Variants in COL6A5 observed in about 807,000 individuals in gnomAD.
COL6A5 encodes the protein collagen alpha-5(VI) chain.
A neutral mutation model predicts 65.6 loss-of-function variants in COL6A5; 48 were observed. The observed-to-expected ratio is 0.73, with a 90% CI of 0.58 to 0.93. COL6A5 has a LOEUF of 0.93. COL6A5 is among the 40% of genes least tolerant of loss of function. COL6A5 has a pLI of 0.00. For synonymous variants in COL6A5, 291 were observed against 322.8 expected (o/e 0.90, Z 1.05); for missense variants, 914 against 928.3 (o/e 0.98, Z 0.20).
intron 27 of COL6A5, 47 bp from the exon 28 acceptor site, chr3:130,422,673 C>A: frequency 2.5e-6 from 3 of 1,211,572 alleles, no homozygotes; most frequent in South Asian, 1.4e-5. Flanking sequence ...TTAATTCTTT[C>A]ATAGCAAATA....
chr3:130,433,220 T>C (rs2107695909), intron 1 of COL6A5, among the ~76,000 whole-genome samples: 1 of 152,314 alleles, frequency 6.6e-6, no homozygotes, highest in East Asian at 1.9e-4. Context: ...GAAATTTTTC[T>C]GCCTCCTTAA....
At chr3:130,371,043 A>G (rs928149489) in intron 1 of COL6A5, among the ~76,000 whole-genome samples, 2 of 152,182 alleles carry the variant, frequency 1.3e-5, no homozygotes, top group African/African-American at 2.4e-5. Flanking sequence ...AGAAGGATGT[A>G]TACACAGCTC....
intron 5 of COL6A5, among the ~76,000 whole-genome samples, chr3:130,456,755 T>C (rs1362989833): frequency 1.3e-5 from 2 of 152,092 alleles, no homozygotes; most frequent in African/African-American, 4.8e-5. Flanking sequence ...GTAGTTAGAG[T>C]ACATAAGTAT....
Position 130,436,461 on chromosome 3 carries a change from A to G in COL6A5, c.488-3061A>G, listed in dbSNP as rs529133841. Among the ~76,000 whole-genome samples, 13 of 152,094 alleles carry G rather than the reference A, an allele frequency of 8.5e-5. No individual in the cohort carries two copies. In the East Asian group the frequency reaches 2.5e-3, roughly 29 times the overall value. Reference sequence around the variant, plus strand: ...TAGCAATCTCCTAGGGAAAAAAAACATTGTCTATATTTGCTGTCTCCAGTG... The same window carrying G: ...TAGCAATCTCCTAGGGAAAAAAAACGTTGTCTATATTTGCTGTCTCCAGTG... On this transcript the variant is annotated intron_variant, in intron 1 of 7. Transcript: ENST00000512836.
chr3:130,456,821 G>A (rs1278215593), intron 5 of COL6A5, among the ~76,000 whole-genome samples: 1 of 151,916 alleles, frequency 6.6e-6, no homozygotes, highest in Non-Finnish European at 1.5e-5. Flanking sequence ...AGCTTCCTGG[G>A]ATAAAATTTT....
At chr3:130,423,789 A>T in intron 28 of COL6A5, 49 bp from the exon 29 acceptor site, 2 of 1,407,710 alleles carry the variant, frequency 1.4e-6, no homozygotes, top group Non-Finnish European at 2.0e-6. Flanking sequence ...AGTAGTCCCC[A>T]TAGATAGACA....
intron 1 of COL6A5, among the ~76,000 whole-genome samples, chr3:130,356,460 C>A (rs569334879): frequency 2.9e-4 from 44 of 152,042 alleles, no homozygotes; most frequent in Non-Finnish European, 4.6e-4. Context: ...TTAAGCATTT[C>A]AAAAACTGAG....
chr3:130,379,067 TGAC>T (rs1577446459), intron 3 of COL6A5, among the ~76,000 whole-genome samples: 1 of 137,040 alleles, frequency 7.3e-6, no homozygotes, highest in African/African-American at 2.9e-5. Context: ...AAGGTAGTGG[TGAC>T]GATGGTGGTG....
At chr3:130,429,474 T>G, upstream of COL6A5, 1 of 1,080,918 alleles carries the variant, frequency 9.3e-7, no homozygotes, top group Non-Finnish European at 1.3e-6. Flanking sequence ...GCAGTTAGAC[T>G]CAAATAACAT....
At chr3:130,392,534 C>T (rs1244479908) in intron 7 of COL6A5, among the ~76,000 whole-genome samples, 1 of 152,154 alleles carries the variant, frequency 6.6e-6, no homozygotes, top group African/African-American at 2.4e-5. Flanking sequence ...GCCCAGTCCT[C>T]CCAATCTGGC....
chr3:130,456,117 T>A (rs1709566482), intron 5 of COL6A5, among the ~76,000 whole-genome samples: 1 of 152,078 alleles, frequency 6.6e-6, no homozygotes. Flanking sequence ...TAAAATGACT[T>A]TTTAAAGTTG....
At chr3:130,422,849 T>A in intron 28 of COL6A5, 67 bp downstream of exon 28, 1 of 1,021,188 alleles carries the variant, frequency 9.8e-7, no homozygotes, top group Non-Finnish European at 1.4e-6. Flanking sequence ...TATGTTATAA[T>A]AATAAATGTG....
exon 5 of COL6A5, chr3:130,385,321 A>G (rs1359089033): frequency 6.4e-7 from 1 of 1,550,622 alleles, no homozygotes; most frequent in Non-Finnish European, 8.7e-7. Flanking sequence ...ATGCTTTGAA[A>G]AGCATAAAAA....
At chr3:130,417,759 G>T (rs1937390722) in intron 24 of COL6A5, among the ~76,000 whole-genome samples, 1 of 152,150 alleles carries the variant, frequency 6.6e-6, no homozygotes, top group Non-Finnish European at 1.5e-5. Flanking sequence ...AGCCACACAG[G>T]TGGCCTTGCT....
intron 5 of COL6A5, among the ~76,000 whole-genome samples, chr3:130,387,550 A>G (rs1037124167): frequency 2.0e-5 from 3 of 152,236 alleles, no homozygotes; most frequent in Non-Finnish European, 2.9e-5. Context: ...AGATGGTTCC[A>G]TGGCAGCTTG....
At chr3:130,372,370 T>C (rs1559863254) in intron 1 of COL6A5, among the ~76,000 whole-genome samples, 2 of 152,144 alleles carry the variant, frequency 1.3e-5, no homozygotes, top group South Asian at 2.1e-4. Context: ...TAAGTGTTCA[T>C]AGCAGTATTA....
chr3:130,405,690 T>C lies in COL6A5; in HGVS notation c.4353+31T>C, dbSNP rs552694702. ...GCTCTTCTGTAAATGTTATTTCCAA[T>C]TCTCTGTAACATTCTCTCCCTCTCT... On this transcript the variant is annotated intron_variant and NMD_transcript_variant, in intron 14 of 41. Transcript: ENST00000312481. 5.2e-5 allele frequency: 77 copies of C among 1,485,974 alleles called. No homozygotes were observed. The African/African-American group carries it at 8.2e-4, about 16-fold the overall frequency. The allele number at this position is 1,485,974 out of a possible 1,614,324, so 92.0% of individuals were successfully genotyped here. A position where few individuals can be genotyped will look rare whatever the true frequency, so the allele number is the denominator to read the frequency against.
Position 130,453,899 on chromosome 3 carries a change from T to C in COL6A5, c.1333-1556T>C, listed in dbSNP as rs983045776. Among the ~76,000 whole-genome samples the C allele has an allele frequency of 2.6e-5, 4 of 152,300 alleles. No individual in the cohort carries two copies. The South Asian group carries it at 8.3e-4, about 32-fold the overall frequency. The stretch of plus-strand genomic sequence containing the variant: ...TCCTCTAATGTCAGATTTCATTTAC[T>C]TGGTAATTTTACAGGGAAGCGTCTA... On this transcript the variant is annotated intron_variant, in intron 4 of 7. Transcript: ENST00000512836.
intron 1 of COL6A5, among the ~76,000 whole-genome samples, chr3:130,362,627 C>T (rs1234557754): frequency 1.3e-5 from 2 of 152,020 alleles, no homozygotes; most frequent in African/African-American, 2.4e-5. Context: ...TCTTTTGCCT[C>T]TTCATATAAA....
Sources: gnomAD v4.1 joint callset for allele counts (sites outside exome capture counted in the v4.1 genomes callset) on GRCh38, gnomAD v4.1.1 for gene constraint, MANE v1.5 for transcripts, NCBI Gene and HGNC (gene_info 2026-07-23, HGNC 2026-07-21) for gene names.